The following CACNA1C variants were observed in gnomAD, a reference collection of about 807,000 sequenced individuals.
CACNA1C encodes the protein calcium voltage-gated channel subunit alpha1 C.
A neutral mutation model predicts 229.0 loss-of-function variants in CACNA1C; 30 were observed. The observed-to-expected ratio is 0.13, with a 90% CI of 0.10 to 0.18. The LOEUF (loss-of-function observed/expected upper bound fraction) is 0.18, where lower values mean the gene tolerates loss of function less well. CACNA1C is among the 10% of genes least tolerant of loss of function. CACNA1C has a pLI of 1.00. For missense variants in CACNA1C, 1,658 were observed against 2,845.0 expected (o/e 0.58, Z 9.49); for synonymous variants, 1,114 against 1,132.5 (o/e 0.98, Z 0.33).
In CACNA1C at chr12:2,566,621, G is replaced by C; in HGVS notation, c.1669+39G>C. On this transcript the variant is annotated intron_variant, in intron 12 of 46. Coordinates refer to ENST00000399655, the MANE Select transcript of CACNA1C (RefSeq NM_000719.7). The surrounding 1 kb of genome is among the most constrained non-coding windows in gnomAD (Gnocchi z 4.0). Reference sequence around the variant, plus strand: ...CCAGCTCTGCTCTGGTTTCCTCCTGGTAACTCAGCCCCAAGGCCCAGGGGA... The same window carrying C: ...CCAGCTCTGCTCTGGTTTCCTCCTGCTAACTCAGCCCCAAGGCCCAGGGGA... 6.5e-7 allele frequency: 1 copy of C among 1,548,874 alleles called. No homozygotes were observed. Among genetic ancestry groups the C allele is most frequent in the Middle Eastern group, 2.1e-4 (1 of 4,754 alleles).
intron 9 of CACNA1C, among the ~76,000 whole-genome samples, chr12:2,536,267 C>T (rs547094175): frequency 9.9e-5 from 15 of 152,284 alleles, no homozygotes; most frequent in African/African-American, 2.4e-4. Flanking sequence ...GCTTTGTGAA[C>T]GGCAAAGAAC....
At chr12:2,136,933 C>T (rs373286270) in intron 3 of CACNA1C, among the ~76,000 whole-genome samples, 1 of 151,486 alleles carries the variant, frequency 6.6e-6, no homozygotes, top group African/African-American at 2.4e-5. Flanking sequence ...GGACCCTTCT[C>T]GTGGACTGAG....
At chr12:2,338,745 C>G (rs1295485906) in intron 3 of CACNA1C, among the ~76,000 whole-genome samples, 1 of 152,074 alleles carries the variant, frequency 6.6e-6, no homozygotes, top group Non-Finnish European at 1.5e-5. Context: ...ATAGCAGGAG[C>G]CTTGGAGGAG....
chr12:2,202,010 A>G (rs2097589803), intron 3 of CACNA1C, among the ~76,000 whole-genome samples: 1 of 152,240 alleles, frequency 6.6e-6, no homozygotes, highest in African/African-American at 2.4e-5. Flanking sequence ...GACTCAGAAG[A>G]TACTGACCAT....
intron 1 of CACNA1C, among the ~76,000 whole-genome samples, chr12:2,038,113 C>G (rs1030851847): frequency 6.6e-6 from 1 of 152,184 alleles, no homozygotes; most frequent in African/African-American, 2.4e-5. Context: ...ACTGTGCACT[C>G]AACATAGCCC....
rs184580459 is a variant in CACNA1C, at chr12:2,509,187, G to A, written c.1218-3625G>A. Reference sequence around the variant, plus strand: ...CGGGAGGTAGGCATTTTACAGCCAGGAAGTATCGCTGGACCATGGCCCACA... The same window carrying A: ...CGGGAGGTAGGCATTTTACAGCCAGAAAGTATCGCTGGACCATGGCCCACA... On this transcript the variant is annotated intron_variant, in intron 8 of 46. Coordinates refer to ENST00000399655, the MANE Select transcript of CACNA1C (RefSeq NM_000719.7). Among the ~76,000 whole-genome samples, 386 of 152,304 alleles carry A rather than the reference G, an allele frequency of 2.5e-3. 1 individual carries two copies. The highest frequency in any genetic ancestry group is 2.9e-3 in the Non-Finnish European group (197 of 68,028).
At chr12:2,318,320 T>A (rs1458943393) in intron 3 of CACNA1C, among the ~76,000 whole-genome samples, 1 of 152,172 alleles carries the variant, frequency 6.6e-6, no homozygotes, top group African/African-American at 2.4e-5. Flanking sequence ...AGAGGGAACA[T>A]CTTACTCTGC....
rs2097048404 is a variant in CACNA1C at position 2,679,966 on chromosome 12, T to C, written c.5444+170T>C. ...AGGAGGCACTATGCTGTCTCCCAAG[T>C]CCTGCCCTTGATCAGACCTGGCAGG... On this transcript the variant is annotated intron_variant, in intron 42 of 46. Transcript: ENST00000399655. This position sits in a 1 kb window ranked among gnomAD's most constrained non-coding sequence, Gnocchi z 5.5. Among the ~76,000 whole-genome samples the C allele has an allele frequency of 6.6e-6, 1 of 152,168 alleles. No homozygotes were observed. The highest frequency in any genetic ancestry group is 2.4e-5 in the African/African-American group (1 of 41,442).
intron 1 of CACNA1C, chr12:1,993,328 T>A (rs1565857252): frequency 6.2e-7 from 1 of 1,613,982 alleles, no homozygotes; most frequent in Admixed American, 1.7e-5. Context: ...TAGTAATAGG[T>A]TCTGTCCTAT....
At chr12:2,325,619 A>G (rs2096256359) in intron 3 of CACNA1C, among the ~76,000 whole-genome samples, 1 of 152,250 alleles carries the variant, frequency 6.6e-6, no homozygotes, top group East Asian at 1.9e-4. Flanking sequence ...ACGCACACAA[A>G]GTGCACAGCA....
intron 5 of CACNA1C, among the ~76,000 whole-genome samples, chr12:2,458,648 G>A (rs2099463618): frequency 6.6e-6 from 1 of 152,212 alleles, no homozygotes; most frequent in Admixed American, 6.5e-5. Flanking sequence ...TGGAGATGGT[G>A]TAAGGGACAG....
intron 11 of CACNA1C, among the ~76,000 whole-genome samples, chr12:2,560,420 C>T (rs1309987837): frequency 6.6e-6 from 1 of 152,132 alleles, no homozygotes; most frequent in South Asian, 2.1e-4. Flanking sequence ...AAAATGTGGC[C>T]GGTTAGTGGA....
At chr12:2,572,078 T>G (rs2154593713) in intron 13 of CACNA1C, among the ~76,000 whole-genome samples, 1 of 145,088 alleles carries the variant, frequency 6.9e-6, no homozygotes, top group South Asian at 2.2e-4. Context: ...TCTGAACCAG[T>G]AATTGCAATT....
At chr12:2,385,376 A>C (rs960381063) in intron 3 of CACNA1C, among the ~76,000 whole-genome samples, 1 of 152,012 alleles carries the variant, frequency 6.6e-6, no homozygotes, top group African/African-American at 2.4e-5. Flanking sequence ...CTGATAGGAA[A>C]AAAAAAAAAT....
chr12:2,099,957 A>G (rs2075695699), intron 1 of CACNA1C, among the ~76,000 whole-genome samples: 1 of 152,254 alleles, frequency 6.6e-6, no homozygotes. Flanking sequence ...GCTGAGGCAC[A>G]GAGAGGCTAG....
intron 3 of CACNA1C, among the ~76,000 whole-genome samples, chr12:2,363,252 A>G (rs1488086212): frequency 1.3e-5 from 2 of 152,228 alleles, no homozygotes; most frequent in African/African-American, 4.8e-5. Context: ...CTTCCTGATC[A>G]GGGGCCTGCT....
intron 13 of CACNA1C, among the ~76,000 whole-genome samples, chr12:2,577,961 CG>C (rs1243099938): frequency 6.6e-6 from 1 of 151,398 alleles, no homozygotes; most frequent in African/African-American, 2.4e-5. Flanking sequence ...CTCCGCCTCC[CG>C]GGTTCACGCC....
intron 1 of CACNA1C, among the ~76,000 whole-genome samples, chr12:2,069,815 GTCTTT>G (rs2060568505): frequency 6.6e-6 from 1 of 152,132 alleles, no homozygotes; most frequent in South Asian, 2.1e-4. Context: ...TGCTTAAAGA[GTCTTT>G]TCTTTTCTTT....
chr12:1,980,644 T>C (rs1019466866), intron 1 of CACNA1C, among the ~76,000 whole-genome samples: 2 of 106,668 alleles, frequency 1.9e-5, no homozygotes, highest in Non-Finnish European at 4.3e-5. Context: ...TGCTTATAAG[T>C]GTCATTTTAA....
Sources: gnomAD v4.1 joint callset for allele counts (sites outside exome capture counted in the v4.1 genomes callset) on GRCh38, gnomAD v4.1.1 for gene constraint, Gnocchi (gnomAD v3.1) non-coding constraint, MANE v1.5 for transcripts, NCBI Gene and HGNC (gene_info 2026-07-23, HGNC 2026-07-21) for gene names.